Variants in CORIN observed in about 807,000 individuals in gnomAD.
CORIN encodes corin, serine peptidase, also known as atrial natriuretic peptide-converting enzyme.
CORIN carries 117 observed loss-of-function variants against 125.3 expected under a neutral mutation model. That is an observed-to-expected ratio of 0.93 (90% CI 0.80 to 1.09). CORIN has a LOEUF of 1.09. Among genes scored for constraint, CORIN ranks in the 50% least tolerant of loss-of-function variants. CORIN has a pLI of 0.00. For synonymous variants in CORIN, 450 were observed against 466.4 expected, an observed-to-expected ratio of 0.96 and a Z score of 0.45; for missense variants, 1,253 against 1,306.7, an observed-to-expected ratio of 0.96 and a Z score of 0.63.
intron 14 of CORIN, among the ~76,000 whole-genome samples, chr4:47,643,583 G>A (rs1190742096): frequency 6.6e-6 from 1 of 152,152 alleles, no homozygotes; most frequent in Non-Finnish European, 1.5e-5. Flanking sequence ...CATGAGCAGA[G>A]CATGAGGGAT....
chr4:47,675,145 G>C (rs186711317), intron 9 of CORIN, among the ~76,000 whole-genome samples: 1 of 152,246 alleles, frequency 6.6e-6, no homozygotes, highest in Non-Finnish European at 1.5e-5. Flanking sequence ...TTTTCCTTAA[G>C]GTAGGTAGAG....
At chr4:47,811,949 G>A (rs1732081124) in intron 1 of CORIN, among the ~76,000 whole-genome samples, 1 of 152,044 alleles carries the variant, frequency 6.6e-6, no homozygotes. Flanking sequence ...GTGAGCCCCT[G>A]ATGTAGTGTA....
intron 1 of CORIN, among the ~76,000 whole-genome samples, chr4:47,832,299 A>G (rs1255763116): frequency 6.6e-6 from 1 of 152,196 alleles, no homozygotes; most frequent in African/African-American, 2.4e-5. Flanking sequence ...TTTACTATTC[A>G]ACAAATGCCT....
intron 4 of CORIN, among the ~76,000 whole-genome samples, chr4:47,759,201 G>A (rs546895684): frequency 8.5e-5 from 13 of 152,200 alleles, no homozygotes; most frequent in East Asian, 7.7e-4. Flanking sequence ...GACTCTTATC[G>A]CATAGGATAT....
At chr4:47,710,560 A>G (rs1273163029) in intron 5 of CORIN, among the ~76,000 whole-genome samples, 2 of 152,250 alleles carry the variant, frequency 1.3e-5, no homozygotes, top group African/African-American at 4.8e-5. Context: ...ACAAACAGCC[A>G]GGCTGGCCTC....
chr4:47,792,809 T>A (rs1475300930), intron 2 of CORIN, among the ~76,000 whole-genome samples: 5 of 152,158 alleles, frequency 3.3e-5, no homozygotes, highest in Non-Finnish European at 7.3e-5. Context: ...TCACAAAGGC[T>A]CAAGATGGTG....
At chr4:47,633,643 C>CT (rs1029809855) in intron 16 of CORIN, among the ~76,000 whole-genome samples, 3 of 151,868 alleles carry the variant, frequency 2.0e-5, no homozygotes, top group East Asian at 3.9e-4. Context: ...TGGGACAACA[C>CT]TTTTTTTTGA....
chr4:47,744,684 T>C (rs1728583585), intron 4 of CORIN, 101 bp from the exon 5 acceptor site: 63 of 1,126,770 alleles, frequency 5.6e-5, no homozygotes, highest in Non-Finnish European at 7.7e-5. Flanking sequence ...TGATATTATC[T>C]TAATTTATAC....
At chr4:47,751,531 C>T (rs545988840) in intron 4 of CORIN, among the ~76,000 whole-genome samples, 3 of 152,270 alleles carry the variant, frequency 2.0e-5, no homozygotes, top group South Asian at 4.1e-4. Flanking sequence ...CTGGCTGTTA[C>T]TTCATCTGAA....
chr4:47,787,014 G>T, intron 2 of CORIN, 89 bp from the exon 3 acceptor site: 1 of 915,030 alleles, frequency 1.1e-6, no homozygotes, highest in Non-Finnish European at 1.6e-6. Context: ...AAACTCTAGA[G>T]CTACTTTCCC....
intron 16 of CORIN, among the ~76,000 whole-genome samples, chr4:47,639,778 G>A (rs4695264): frequency 0.26 from 39,848 of 152,054 alleles, 5,461 homozygotes; most frequent in Admixed American, 0.36. Flanking sequence ...AGCTGGTCTC[G>A]AGAGACAGTG....
chr4:47,832,445 C>CTTT (rs1211972356), intron 1 of CORIN, among the ~76,000 whole-genome samples: 6 of 76,918 alleles, frequency 7.8e-5, no homozygotes, highest in South Asian at 4.7e-4. Context: ...CTTTTCTTTT[C>CTTT]TTTTTTTTTT....
chr4:47,757,886 A>ATATG (rs1478328674), intron 4 of CORIN, among the ~76,000 whole-genome samples: 2 of 142,634 alleles, frequency 1.4e-5, no homozygotes, highest in African/African-American at 5.2e-5. Flanking sequence ...ATGTATATAT[A>ATATG]TATATATATA....
intron 1 of CORIN, among the ~76,000 whole-genome samples, chr4:47,818,878 G>GAAA (rs79110235): frequency 1.9e-4 from 10 of 52,636 alleles, no homozygotes; most frequent in African/African-American, 4.6e-4. Flanking sequence ...GTCAAAAACA[G>GAAA]AAAAAAAAAA....
chr4:47,834,951 G>T (rs920725176), intron 1 of CORIN, among the ~76,000 whole-genome samples: 1 of 152,054 alleles, frequency 6.6e-6, no homozygotes, highest in Non-Finnish European at 1.5e-5. Flanking sequence ...TATTTGACTT[G>T]CCCAGAGCCT....
At chr4:47,815,179 C>T (rs532289727) in intron 1 of CORIN, among the ~76,000 whole-genome samples, 2 of 151,970 alleles carry the variant, frequency 1.3e-5, no homozygotes, top group Non-Finnish European at 2.9e-5. Flanking sequence ...ACCGTATCTC[C>T]GTATCTGCAA....
At chr4:47,828,084 A>G (rs774515076) in intron 1 of CORIN, among the ~76,000 whole-genome samples, 10 of 152,160 alleles carry the variant, frequency 6.6e-5, no homozygotes, top group Non-Finnish European at 1.2e-4. Flanking sequence ...GCCCACTAAG[A>G]GGGAAGTGGA....
chr4:47,783,607 A>G (rs1394942301), intron 3 of CORIN, among the ~76,000 whole-genome samples: 1 of 152,138 alleles, frequency 6.6e-6, no homozygotes, highest in East Asian at 1.9e-4. Context: ...TAGCTTTTAC[A>G]TATGCCAGGA....
intron 1 of CORIN, among the ~76,000 whole-genome samples, chr4:47,836,690 C>G (rs1030822620): frequency 1.3e-5 from 2 of 152,184 alleles, no homozygotes; most frequent in African/African-American, 4.8e-5. Flanking sequence ...CCCGAAGCTT[C>G]CCTGCTGAAT....
Sources: allele counts gnomAD v4.1 joint callset (sites outside exome capture counted in the v4.1 genomes callset), GRCh38; gene constraint gnomAD v4.1.1; transcripts MANE v1.5; gene names NCBI Gene and HGNC (gene_info 2026-07-23, HGNC 2026-07-21).